Variants in DNAJC13 observed in about 807,000 individuals in gnomAD.
The protein encoded by DNAJC13 is dnaJ homolog subfamily C member 13.
A neutral mutation model predicts 290.5 loss-of-function variants in DNAJC13; 75 were observed. The observed-to-expected ratio is 0.26, with a 90% CI of 0.21 to 0.31. DNAJC13 has a LOEUF of 0.31. Among genes scored for constraint, DNAJC13 ranks in the 10% least tolerant of loss-of-function variants. The pLI is 1.00. For missense variants in DNAJC13, 2,260 were observed against 2,674.5 expected (o/e 0.85, Z 3.42); for synonymous variants, 862 against 892.0 (o/e 0.97, Z 0.60).
At chr3:132,502,754 G>A (rs767891120) in intron 40 of DNAJC13, among the ~76,000 whole-genome samples, 1 of 152,170 alleles carries the variant, frequency 6.6e-6, no homozygotes, top group African/African-American at 2.4e-5. Context: ...AATTATGGTT[G>A]TGTAACACAG....
Position 132,447,956 on chromosome 3 carries a change from T to A in DNAJC13, c.336+17T>A. On this transcript the variant is annotated intron_variant, in intron 5 of 55. Transcript: ENST00000260818. ...ACAGGAAGGGTAAATATTTAACATT[T>A]ATTATGTATTTTTATTTGTTCAAAT... 1 of 1,457,172 alleles carries A rather than the reference T, an allele frequency of 6.9e-7. No homozygotes were observed. Among genetic ancestry groups the A allele is most frequent in the Non-Finnish European group, 9.6e-7 (1 of 1,044,314 alleles). 90.3% of individuals were successfully genotyped at this position (1,457,172 alleles called of 1,614,324 possible).
At chr3:132,468,031 T>G (rs904257842) in intron 20 of DNAJC13, among the ~76,000 whole-genome samples, 1 of 152,342 alleles carries the variant, frequency 6.6e-6, no homozygotes, top group South Asian at 2.1e-4. Context: ...TTTTGGAGAT[T>G]AAGATTCACA....
Position 132,474,983 on chromosome 3 carries a change from A to T in DNAJC13, c.2343A>T (p.Arg781=). ...RSNLIWNFKT[R]EELKDTLESE... is the part of the protein sequence containing the mutation. Reference sequence around the variant, plus strand: ...ACCTTATTTGGAATTTCAAAACACGAGAAGAACTGAAAGATACTCTTGAAT... The same window carrying T: ...ACCTTATTTGGAATTTCAAAACACGTGAAGAACTGAAAGATACTCTTGAAT... Residue 781 remains arginine, a synonymous_variant, in exon 22 of 56, where the codon CGA becomes CGT. Coordinates refer to ENST00000260818, the MANE Select transcript of DNAJC13 (RefSeq NM_015268.4). 6.2e-7 allele frequency: 1 copy of T among 1,612,194 alleles called. No homozygotes were observed. Among genetic ancestry groups the T allele is most frequent in the Non-Finnish European group, 8.5e-7 (1 of 1,179,136 alleles).
chr3:132,472,389 A>G (rs143504931), intron 20 of DNAJC13, among the ~76,000 whole-genome samples: 95 of 152,360 alleles, frequency 6.2e-4, no homozygotes, highest in African/African-American at 2.2e-3. Context: ...CAAAGGGTTT[A>G]TGACTGCCTA....
At chr3:132,487,644 C>T (rs759667033) in intron 29 of DNAJC13, among the ~76,000 whole-genome samples, 35 of 146,330 alleles carry the variant, frequency 2.4e-4, no homozygotes, top group African/African-American at 6.5e-4. Flanking sequence ...AAAATTGGAA[C>T]GACACCTTTA....
At chr3:132,453,935 A>T in intron 8 of DNAJC13, 131 bp from the exon 9 acceptor site, 1 of 817,572 alleles carries the variant, frequency 1.2e-6, no homozygotes, top group Non-Finnish European at 1.9e-6. Context: ...TTAAAGTTTT[A>T]AACTCTTATA....
intron 1 of DNAJC13, among the ~76,000 whole-genome samples, chr3:132,420,553 C>T (rs530575487): frequency 6.6e-6 from 1 of 152,146 alleles, no homozygotes; most frequent in East Asian, 1.9e-4. Context: ...ATCCCCCACC[C>T]CCAACCCCCT....
chr3:132,444,925 A>G (rs1423500578), intron 2 of DNAJC13, among the ~76,000 whole-genome samples: 5 of 152,218 alleles, frequency 3.3e-5, no homozygotes, highest in Non-Finnish European at 5.9e-5. Flanking sequence ...GAGTTAGGAA[A>G]AAAAACACAA....
At chr3:132,448,554 T>A (rs182003889) in intron 5 of DNAJC13, among the ~76,000 whole-genome samples, 2 of 152,240 alleles carry the variant, frequency 1.3e-5, no homozygotes, top group Admixed American at 1.3e-4. Flanking sequence ...TTCACTCTCT[T>A]GAGATATTAA....
intron 34 of DNAJC13, among the ~76,000 whole-genome samples, chr3:132,494,842 C>A (rs1366028597): frequency 1.3e-5 from 2 of 151,442 alleles, no homozygotes; most frequent in Non-Finnish European, 2.9e-5. Context: ...GTAGTTCTTC[C>A]AACTCAAATA....
intron 17 of DNAJC13, among the ~76,000 whole-genome samples, chr3:132,464,900 A>T (rs1454008944): frequency 6.6e-6 from 1 of 152,162 alleles, no homozygotes; most frequent in Admixed American, 6.5e-5. Context: ...AAATTCCAAA[A>T]GGTTAGTAAT....
intron 40 of DNAJC13, 85 bp from the exon 41 acceptor site, chr3:132,503,129 C>G: frequency 7.1e-7 from 1 of 1,402,842 alleles, no homozygotes; most frequent in African/African-American, 1.4e-5. Context: ...TAAATATGTT[C>G]CATATAGTGT....
At chr3:132,489,358 G>A (rs981435238) in intron 31 of DNAJC13, among the ~76,000 whole-genome samples, 2 of 151,820 alleles carry the variant, frequency 1.3e-5, no homozygotes, top group Admixed American at 6.6e-5. Context: ...GTCTTACATC[G>A]TCAGCTAAGA....
At chr3:132,521,779 A>G (rs1426815586) in intron 48 of DNAJC13, among the ~76,000 whole-genome samples, 1 of 152,208 alleles carries the variant, frequency 6.6e-6, no homozygotes, top group Non-Finnish European at 1.5e-5. Flanking sequence ...TTTAGGGAAT[A>G]TAGGAAGAAA....
chr3:132,524,638 G>A (rs1017408773), intron 51 of DNAJC13, among the ~76,000 whole-genome samples: 1 of 152,210 alleles, frequency 6.6e-6, no homozygotes, highest in Non-Finnish European at 1.5e-5. Flanking sequence ...GTATTTACCA[G>A]TGCTACTTTC....
At chr3:132,490,217 A>G (rs1315598025) in intron 31 of DNAJC13, among the ~76,000 whole-genome samples, 3 of 152,180 alleles carry the variant, frequency 2.0e-5, no homozygotes, top group African/African-American at 7.2e-5. Context: ...TCTTTGTTTT[A>G]TCCTAGAGAA....
At chr3:132,485,860 T>G (rs1242969202) in intron 29 of DNAJC13, among the ~76,000 whole-genome samples, 1 of 152,220 alleles carries the variant, frequency 6.6e-6, no homozygotes, top group Non-Finnish European at 1.5e-5. Context: ...AGATTAACAT[T>G]AAACCCAAAT....
intron 30 of DNAJC13, 32 bp downstream of exon 30, chr3:132,488,484 T>C: frequency 6.4e-7 from 1 of 1,563,432 alleles, no homozygotes; most frequent in Non-Finnish European, 8.6e-7. Flanking sequence ...TATTTAAAAG[T>C]ATTATTTGAA....
chr3:132,454,243 T>G (rs1387870083), intron 9 of DNAJC13, 86 bp downstream of exon 9: 1 of 900,072 alleles, frequency 1.1e-6, no homozygotes, highest in Non-Finnish European at 1.7e-6. Flanking sequence ...ATATGTAGTC[T>G]AGAAATTTAA....
Sources: gnomAD v4.1 joint callset for allele counts (sites outside exome capture counted in the v4.1 genomes callset) on GRCh38, gnomAD v4.1.1 for gene constraint, MANE v1.5 for transcripts, NCBI Gene and HGNC (gene_info 2026-07-23, HGNC 2026-07-21) for gene names.